OGFOD2: variants seen among roughly 807,000 people sequenced by gnomAD.
The protein encoded by OGFOD2 is 2-oxoglutarate and iron dependent oxygenase domain containing 2.
Under a neutral mutation model 31.1 loss-of-function variants are expected in OGFOD2, and 34 were observed. The ratio of observed to expected loss-of-function variants is 1.09; its 90% CI spans 0.83 to 1.45. The LOEUF is 1.45. Among genes scored for constraint, OGFOD2 ranks in the 40% most tolerant of loss-of-function variants. The pLI is 0.00. For synonymous variants in OGFOD2, 240 were observed against 192.3 expected, an observed-to-expected ratio of 1.25 and a Z score of -2.05; for missense variants, 537 against 433.9, an observed-to-expected ratio of 1.24 and a Z score of -2.11.
intron 4 of OGFOD2, 53 bp from the exon 5 acceptor site, chr12:122,978,389 C>T: frequency 6.2e-7 from 1 of 1,603,226 alleles, no homozygotes; most frequent in East Asian, 2.2e-5. Context: ...GAAGCCCAGG[C>T]CTGGCCGGCC....
At chr12:122,977,268 A>G (rs2037463131) in intron 4 of OGFOD2, 9 of 419,706 alleles carry the variant, frequency 2.1e-5, no homozygotes, top group Non-Finnish European at 3.7e-5. Context: ...AACAGGGCTG[A>G]TCCAAGATCT....
At chr12:122,976,219 CT>C (rs768446039) in intron 2 of OGFOD2, 7 of 633,748 alleles carry the variant, frequency 1.1e-5, no homozygotes, top group Middle Eastern at 3.5e-4. Context: ...TTCCAGGCCC[CT>C]GGGCTCCTCA....
chr12:122,977,067 C>A, intron 4 of OGFOD2, 97 bp downstream of exon 4: 1 of 1,167,644 alleles, frequency 8.6e-7, no homozygotes, highest in Non-Finnish European at 1.2e-6. Context: ...CCATCTCTGC[C>A]TCCAAAAACC....
intron 1 of OGFOD2, 97 bp from the exon 2 acceptor site, chr12:122,975,714 C>T: frequency 3.0e-6 from 2 of 672,132 alleles, no homozygotes; most frequent in Non-Finnish European, 5.5e-6. Flanking sequence ...GAGGTCGGGG[C>T]TCCTCTCCCC....
At chr12:122,976,845 C>T (rs1482812790) in intron 3 of OGFOD2, 26 bp from the exon 4 acceptor site, 2 of 1,596,412 alleles carry the variant, frequency 1.3e-6, no homozygotes, top group Non-Finnish European at 8.6e-7. Context: ...GCTGCCTGCC[C>T]CACAGCTGGT....
At position 122,975,722 on chromosome 12, in the gene OGFOD2, C is replaced by T. The variant is rs1333693969; in HGVS notation, c.133-89C>T. 3.6e-5 allele frequency: 24 copies of T among 675,306 alleles called. No homozygotes were observed. In the Admixed American group the frequency reaches 4.9e-4, roughly 14 times the overall value. 41.8% of individuals were successfully genotyped at this position (675,306 alleles called of 1,614,324 possible). A position where few individuals can be genotyped will look rare whatever the true frequency, so the allele number is the denominator to read the frequency against. ...ATCCTTTGAGGTCGGGGCTCCTCTC[C>T]CCATTTTAAGCAGGGGAAACTGAGG... On this transcript the variant is annotated intron_variant, in intron 1 of 6. Coordinates refer to ENST00000228922, the Ensembl canonical transcript of OGFOD2.
rs2037449760 is a variant in OGFOD2, at chr12:122,976,878, C to G, written c.311C>G (p.Ala104Gly). 1.9e-6 allele frequency: 3 copies of G among 1,605,434 alleles called. No homozygotes were observed. The Admixed American group carries it at 5.0e-5, about 27-fold the overall frequency. The change falls in exon 4 of 7, where the codon GCT becomes GGT. Residue 104 changes from alanine (A) to glycine (G), a missense_variant. Physicochemically the swap from Ala to Gly is moderately conservative, Grantham distance 60. Coordinates refer to ENST00000228922, the Ensembl canonical transcript of OGFOD2. ...GGTGTGTTTTGCTCCCAGGATGCAG[C>G]TCTGGCCCCCGAGTTCCTGGCCGTG...
At chr12:122,976,844 C>T (rs369587676) in intron 3 of OGFOD2, 27 bp from the exon 4 acceptor site, 2 of 1,596,162 alleles carry the variant, frequency 1.3e-6, no homozygotes, top group Non-Finnish European at 1.7e-6. Flanking sequence ...TGCTGCCTGC[C>T]CCACAGCTGG....
Position 122,976,963 on chromosome 12 carries a change from A to AGT in OGFOD2, c.397_398dup (p.Ser134TyrfsTer41). ...AGGGCCTTCTCCAGCGGCTGGAGAC[A>AGT]GTATCGGGTGAGGTCCTGGCCCTGA... On this transcript the variant is annotated frameshift_variant, in exon 4 of 7. Coordinates refer to ENST00000228922, the Ensembl canonical transcript of OGFOD2. LOFTEE classifies it high-confidence loss of function. 1.2e-6 allele frequency: 2 copies of AGT among 1,613,100 alleles called. No individual in the cohort carries two copies. Among genetic ancestry groups the AGT allele is most frequent in the Non-Finnish European group, 1.7e-6 (2 of 1,179,560 alleles).
At chr12:122,979,175 C>T in exon 7 of OGFOD2, 1 of 1,611,634 alleles carries the variant, frequency 6.2e-7, no homozygotes. Context: ...GAGCCCGGCC[C>T]TTGGGCACTG....
At position 122,975,388 on chromosome 12, in the gene OGFOD2, G is replaced by A. The variant is rs964367356; in HGVS notation, c.132+5G>A. The A allele has an allele frequency of 8.6e-6, 6 of 697,220 alleles. No homozygotes were observed. The highest frequency in any genetic ancestry group is 1.6e-5 in the Non-Finnish European group (6 of 381,734). 43.2% of individuals were successfully genotyped at this position (697,220 alleles called of 1,614,324 possible). On this transcript the variant is annotated splice_donor_5th_base_variant and intron_variant, in intron 1 of 6. Transcript: ENST00000228922. ...CTGCGCCGGGACTACGGCCCGGTGA[G>A]TGGCCGCTGTCGTCCCTACGGAGCA...
intron 3 of OGFOD2, 40 bp from the exon 4 acceptor site, chr12:122,976,831 G>A (rs748439407): frequency 1.3e-6 from 2 of 1,596,554 alleles, no homozygotes; most frequent in East Asian, 2.2e-5. Flanking sequence ...CCAGGGCTGG[G>A]GGTGCTGCCT....
exon 5 of OGFOD2, chr12:122,978,498 C>T (rs2037498837): frequency 9.9e-6 from 16 of 1,613,568 alleles, no homozygotes; most frequent in Non-Finnish European, 1.2e-5. Context: ...CCAGGCCCTG[C>T]TGGAAGAGCT....
At chr12:122,976,273 C>T (rs957343383) in intron 2 of OGFOD2, 1 of 1,099,146 alleles carries the variant, frequency 9.1e-7, no homozygotes, top group South Asian at 1.3e-5. Flanking sequence ...GGGCTGCTGC[C>T]CCACTCCCTC....
rs1231896909 is a variant in OGFOD2 at position 122,975,848 on chromosome 12, TC to T, written c.172del (p.Gln58SerfsTer4). On this transcript the variant is annotated frameshift_variant, in exon 2 of 7. Transcript: ENST00000228922. LOFTEE classifies it high-confidence loss of function. ...CGAGGCTGTGTTAGCGCCAAGGACT[TC>T]CAGCAGCTGTTAGCAGAGGTACCAG... 7.1e-6 allele frequency: 5 copies of T among 702,830 alleles called. No individual in the cohort carries two copies. The highest frequency in any genetic ancestry group is 1.3e-5 in the Non-Finnish European group (5 of 384,966). The allele number at this position is 702,830 out of a possible 1,614,324, so 43.5% of individuals were successfully genotyped here. A position where few individuals can be genotyped will look rare whatever the true frequency, so the allele number is the denominator to read the frequency against.
upstream of OGFOD2, chr12:122,975,127 T>C: frequency 1.9e-6 from 1 of 513,962 alleles, no homozygotes; most frequent in South Asian, 2.8e-5. Context: ...GCGAGGTGCG[T>C]CTTCGTCCTT....
chr12:122,979,243 G>C (rs2037541632), exon 7 of OGFOD2: 1 of 1,612,920 alleles, frequency 6.2e-7, no homozygotes, highest in Non-Finnish European at 8.5e-7. Context: ...AACAGCCTCT[G>C]TCCCATGTGC....
In OGFOD2 at chr12:122,976,769, T is replaced by C; in HGVS notation, c.303+2T>C. The C allele has an allele frequency of 6.2e-7, 1 of 1,610,970 alleles. No individual in the cohort carries two copies. Among genetic ancestry groups the C allele is most frequent in the Non-Finnish European group, 8.5e-7 (1 of 1,177,658 alleles). ...CCTGAGGTCTACGACTCACTGCAGGTACCAGCCAGCCAGAGTGCTTGAAGG... is the reference window on the plus strand; with the variant it reads ...CCTGAGGTCTACGACTCACTGCAGGCACCAGCCAGCCAGAGTGCTTGAAGG... On this transcript the variant is annotated splice_donor_variant, in intron 3 of 6. Transcript: ENST00000228922. LOFTEE classifies it high-confidence loss of function.
exon 7 of OGFOD2, chr12:122,979,682 G>C (rs2037556869): frequency 9.7e-6 from 3 of 310,812 alleles, no homozygotes; most frequent in Admixed American, 8.8e-5. Context: ...CCGGTTACTG[G>C]CTCCTGGATG....
Sources: allele counts gnomAD v4.1 joint callset, GRCh38; gene constraint gnomAD v4.1.1; transcripts MANE v1.5; gene names NCBI Gene and HGNC (gene_info 2026-07-23, HGNC 2026-07-21).